MAD1L1: variants seen among roughly 807,000 people sequenced by gnomAD.
The protein encoded by MAD1L1 is mitotic arrest deficient 1 like 1.
MAD1L1 carries 95 observed loss-of-function variants against 96.9 expected under a neutral mutation model. The observed-to-expected ratio is 0.98, with a 90% CI of 0.83 to 1.16. MAD1L1 has a LOEUF of 1.16. MAD1L1 is among the 50% of genes most tolerant of loss of function. The pLI, the probability that MAD1L1 is intolerant of heterozygous loss-of-function variation, is 0.00. For missense variants in MAD1L1, 1,007 were observed against 954.4 expected (o/e 1.06, Z -0.73); for synonymous variants, 473 against 396.6 (o/e 1.19, Z -2.29).
At chr7:2,179,965 C>G (rs1293186802) in intron 10 of MAD1L1, among the ~76,000 whole-genome samples, 1 of 143,722 alleles carries the variant, frequency 7.0e-6, no homozygotes, top group African/African-American at 2.7e-5. Flanking sequence ...GAGCAAAACT[C>G]CGTCTCAAAA....
At chr7:1,941,551 G>A (rs746240455) in intron 16 of MAD1L1, among the ~76,000 whole-genome samples, 8 of 152,144 alleles carry the variant, frequency 5.3e-5, no homozygotes, top group Non-Finnish European at 8.8e-5. Context: ...CGCTGGGGGC[G>A]AAGGCTTGGT....
intron 16 of MAD1L1, among the ~76,000 whole-genome samples, chr7:1,945,608 G>A (rs1191591502): frequency 6.6e-6 from 1 of 152,216 alleles, no homozygotes; most frequent in African/African-American, 2.4e-5. Context: ...GGAGGGTGAG[G>A]GCAGCGGCCA....
In MAD1L1 at chr7:2,114,307, C is replaced by T. The variant is rs1048056957; in HGVS notation, c.1073+34845G>A. On this transcript the variant is annotated intron_variant, in intron 11 of 18. Coordinates refer to ENST00000265854, the MANE Select transcript of MAD1L1 (RefSeq NM_001013836.2). The surrounding 1 kb of genome is among the most constrained non-coding windows in gnomAD (Gnocchi z 4.2). ...CTCAACACACCTCGGGCGGGAGAGC[C>T]CTGAGCCAGCCCACGGTCTGAGCAG... Among the ~76,000 whole-genome samples, 5 of 152,176 alleles carry T rather than the reference C, an allele frequency of 3.3e-5. No individual in the cohort carries two copies. The highest frequency in any genetic ancestry group is 7.3e-5 in the Non-Finnish European group (5 of 68,036).
chr7:2,138,208 G>C (rs180833514), intron 11 of MAD1L1, among the ~76,000 whole-genome samples: 79 of 152,358 alleles, frequency 5.2e-4, no homozygotes, highest in African/African-American at 1.8e-3. Flanking sequence ...ACTTGCTAAA[G>C]AGGGTGAGAG....
chr7:1,908,225 C>G (rs1042924121), intron 17 of MAD1L1, among the ~76,000 whole-genome samples: 1 of 152,238 alleles, frequency 6.6e-6, no homozygotes, highest in Non-Finnish European at 1.5e-5. Context: ...CCCCGCAACT[C>G]TCGCGATCAT....
intron 17 of MAD1L1, among the ~76,000 whole-genome samples, chr7:1,924,970 A>G (rs1458572775): frequency 6.6e-6 from 1 of 152,222 alleles, no homozygotes; most frequent in African/African-American, 2.4e-5. Flanking sequence ...AGATATAATA[A>G]AGACATAGAT....
rs567765644 is a variant in MAD1L1, at chr7:2,232,411, G to A, written c.-190+461C>T. Among the ~76,000 whole-genome samples the A allele has an allele frequency of 1.2e-4, 18 of 152,340 alleles. No individual in the cohort carries two copies. The South Asian group carries it at 2.7e-3, about 23-fold the overall frequency. On this transcript the variant is annotated intron_variant, in intron 1 of 18. Transcript: ENST00000265854. ...CCGGGCCCACACGCCCCCTTCCTGA[G>A]AGCGGACCGGCGCGAGCCACCAGGA... is the stretch of plus-strand genomic sequence containing the variant.
intron 18 of MAD1L1, among the ~76,000 whole-genome samples, chr7:1,837,274 G>A (rs1316902530): frequency 6.6e-6 from 1 of 152,216 alleles, no homozygotes; most frequent in Non-Finnish European, 1.5e-5. Flanking sequence ...TCACCTCTTA[G>A]AAGGACTGAA....
At chr7:1,960,250 G>GAAAAAAAA (rs55800455) in intron 15 of MAD1L1, among the ~76,000 whole-genome samples, 1 of 128,764 alleles carries the variant, frequency 7.8e-6, no homozygotes. Flanking sequence ...AAGGTAAAAA[G>GAAAAAAAA]AAAAAAAAAA....
At chr7:2,070,018 C>A (rs565896196) in intron 11 of MAD1L1, among the ~76,000 whole-genome samples, 2 of 152,292 alleles carry the variant, frequency 1.3e-5, no homozygotes, top group Admixed American at 1.3e-4. Flanking sequence ...CTAGACCCCT[C>A]TGCCACTGGG....
chr7:2,076,290 C>CT (rs1230099992), intron 11 of MAD1L1, among the ~76,000 whole-genome samples: 1 of 152,242 alleles, frequency 6.6e-6, no homozygotes, highest in Non-Finnish European at 1.5e-5. Context: ...ACGGGGGCCC[C>CT]TGAGAGGGCA....
intron 18 of MAD1L1, among the ~76,000 whole-genome samples, chr7:1,883,512 C>T (rs904001401): frequency 4.6e-5 from 7 of 152,218 alleles, no homozygotes; most frequent in Non-Finnish European, 8.8e-5. Flanking sequence ...CTGGCTGCTG[C>T]CTGAAGGCCA....
At chr7:2,077,468 G>A (rs982460281) in intron 11 of MAD1L1, among the ~76,000 whole-genome samples, 4 of 152,192 alleles carry the variant, frequency 2.6e-5, no homozygotes, top group African/African-American at 9.6e-5. Context: ...CATGCCTTGA[G>A]CACCCCCATA....
intron 12 of MAD1L1, among the ~76,000 whole-genome samples, chr7:2,041,664 G>A (rs982266145): frequency 2.6e-5 from 4 of 152,210 alleles, no homozygotes; most frequent in African/African-American, 2.4e-5. Context: ...CATGGGTCAC[G>A]ACTGACGCTT....
chr7:2,116,796 G>A (rs1487208788), intron 11 of MAD1L1, among the ~76,000 whole-genome samples: 1 of 152,218 alleles, frequency 6.6e-6, no homozygotes, highest in African/African-American at 2.4e-5. Context: ...AGCCAAGGAG[G>A]CAGGCACATC....
At chr7:1,964,779 T>G (rs1022814922) in intron 15 of MAD1L1, among the ~76,000 whole-genome samples, 1 of 152,184 alleles carries the variant, frequency 6.6e-6, no homozygotes, top group Non-Finnish European at 1.5e-5. Flanking sequence ...AACAAACCCA[T>G]CACACACGGG....
chr7:1,967,937 TAAAC>T (rs1408308259), intron 15 of MAD1L1, among the ~76,000 whole-genome samples: 1 of 150,854 alleles, frequency 6.6e-6, no homozygotes. Flanking sequence ...CTGCTGGTAA[TAAAC>T]AAGTCCTGGT....
At chr7:1,942,073 T>C (rs1779027812) in intron 16 of MAD1L1, among the ~76,000 whole-genome samples, 1 of 152,156 alleles carries the variant, frequency 6.6e-6, no homozygotes, top group Admixed American at 6.5e-5. Flanking sequence ...CGTTCGTTCC[T>C]GCCATCCTTC....
chr7:1,978,399 C>T (rs369090698), intron 15 of MAD1L1, among the ~76,000 whole-genome samples: 35 of 152,356 alleles, frequency 2.3e-4, no homozygotes, highest in African/African-American at 8.2e-4. Flanking sequence ...GAAAAGCCAA[C>T]TCCGGCTTCG....
Sources: gnomAD v4.1 joint callset for allele counts (sites outside exome capture counted in the v4.1 genomes callset) on GRCh38, gnomAD v4.1.1 for gene constraint, Gnocchi (gnomAD v3.1) non-coding constraint, MANE v1.5 for transcripts, NCBI Gene and HGNC (gene_info 2026-07-23, HGNC 2026-07-21) for gene names.